TOGARAM1: variants seen among roughly 807,000 people sequenced by gnomAD.
TOGARAM1 encodes the protein TOG array regulator of axonemal microtubules 1, also known as TOG array regulator of axonemal microtubules protein 1.
A neutral mutation model predicts 166.6 loss-of-function variants in TOGARAM1; 100 were observed. The ratio of observed to expected loss-of-function variants is 0.60; its 90% CI spans 0.51 to 0.71. The LOEUF is 0.71. TOGARAM1 is among the 30% of genes least tolerant of loss of function. TOGARAM1 has a pLI of 0.00. For missense variants in TOGARAM1, 2,029 were observed against 2,102.7 expected (o/e 0.96, Z 0.69); for synonymous variants, 758 against 763.8 (o/e 0.99, Z 0.13).
chr14:44,969,149 T>C lies in TOGARAM1; in HGVS notation c.2046+4682T>C, dbSNP rs10136688. On this transcript the variant is annotated intron_variant, in intron 1 of 19. Transcript: ENST00000361462. ...TCCTTCCTTCCTTCCTTCCTTCCTT[T>C]CTTTCTTTCTTTTCTTTCTTTTCTT... is the stretch of plus-strand genomic sequence containing the variant. Among the ~76,000 whole-genome samples, 638 of 122,710 alleles carry C rather than the reference T, an allele frequency of 5.2e-3. 5 individuals carry two copies. Among genetic ancestry groups the C allele is most frequent in the African/African-American group, 0.021 (573 of 26,846 alleles). The allele number at this position is 122,710 out of a possible 152,430, so 80.5% of individuals were successfully genotyped here. A position where few individuals can be genotyped will look rare whatever the true frequency, so the allele number is the denominator to read the frequency against.
chr14:45,016,053 A>T (rs1449234070), intron 7 of TOGARAM1, among the ~76,000 whole-genome samples: 1 of 151,444 alleles, frequency 6.6e-6, no homozygotes, highest in Non-Finnish European at 1.5e-5. Flanking sequence ...ATTCTGGATT[A>T]AAAAAAATTT....
intron 1 of TOGARAM1, among the ~76,000 whole-genome samples, chr14:44,977,231 C>CTT (rs397707333): frequency 0.022 from 2,752 of 123,254 alleles, 202 homozygotes; most frequent in African/African-American, 0.076. Flanking sequence ...ATTAGACAGA[C>CTT]TTTTTTTTTT....
intron 7 of TOGARAM1, among the ~76,000 whole-genome samples, chr14:45,022,705 T>C (rs1349253419): frequency 6.6e-6 from 1 of 152,056 alleles, no homozygotes; most frequent in Non-Finnish European, 1.5e-5. Flanking sequence ...CTGGAGGGGA[T>C]TACCCCATAC....
At chr14:45,014,771 T>G (rs1880017407) in intron 7 of TOGARAM1, among the ~76,000 whole-genome samples, 1 of 152,182 alleles carries the variant, frequency 6.6e-6, no homozygotes, top group South Asian at 2.1e-4. Flanking sequence ...ATAGAAAACA[T>G]TTCCACCCAA....
chr14:44,963,492 AC>A lies in TOGARAM1; in HGVS notation c.1072del (p.Arg358AspfsTer18). The A allele has an allele frequency of 6.2e-7, 1 of 1,614,154 alleles. No individual in the cohort carries two copies. Among genetic ancestry groups the A allele is most frequent in the Non-Finnish European group, 8.5e-7 (1 of 1,180,028 alleles). ...FGIIPQELHS[R>X]LLDQEDYKNR... ...GGATTATTCCTCAGGAGCTGCATTCACGATTATTGGATCAGGAAGACTATAA... is the reference window on the plus strand; with the variant it reads ...GGATTATTCCTCAGGAGCTGCATTCAGATTATTGGATCAGGAAGACTATAA... On this transcript the variant is annotated frameshift_variant, in exon 1 of 20. Coordinates refer to ENST00000361462, the MANE Select transcript of TOGARAM1 (RefSeq NM_001308120.2). LOFTEE classifies it high-confidence loss of function.
chr14:44,974,629 G>A (rs920027980), intron 1 of TOGARAM1, among the ~76,000 whole-genome samples: 2 of 152,058 alleles, frequency 1.3e-5, no homozygotes, highest in Non-Finnish European at 2.9e-5. Flanking sequence ...GTAATATACT[G>A]TTAAGGTGTG....
intron 11 of TOGARAM1, among the ~76,000 whole-genome samples, chr14:45,035,680 T>C (rs1484762521): frequency 2.6e-5 from 4 of 152,018 alleles, no homozygotes; most frequent in African/African-American, 9.7e-5. Context: ...GGCAAGACAT[T>C]ACATATAGAA....
intron 4 of TOGARAM1, among the ~76,000 whole-genome samples, 165 bp downstream of exon 4, chr14:45,004,531 T>C (rs1887856317): frequency 1.3e-5 from 2 of 152,228 alleles, no homozygotes; most frequent in Admixed American, 6.5e-5. Context: ...AAATCAAATG[T>C]ATAAAATTCA....
chr14:45,005,954 C>G lies in TOGARAM1; in HGVS notation c.2645-54C>G, dbSNP rs17092482. ...ATTTTAAGCACTTGTGACTATAACT[C>G]CCTCTTCTCTAAAATTAGAAAAAGA... On this transcript the variant is annotated intron_variant, in intron 4 of 19. Coordinates refer to ENST00000361462, the MANE Select transcript of TOGARAM1 (RefSeq NM_001308120.2). 9.1e-3 allele frequency: 13,121 copies of G among 1,447,258 alleles called. 961 individuals carry two copies. The African/African-American group carries it at 0.16, about 18-fold the overall frequency. 89.7% of individuals were successfully genotyped at this position (1,447,258 alleles called of 1,614,324 possible).
In TOGARAM1 at chr14:45,035,769, A is replaced by C. The variant is rs1456102634; in HGVS notation, c.3812+3393A>C. Among the ~76,000 whole-genome samples, 4 of 152,058 alleles carry C rather than the reference A, an allele frequency of 2.6e-5. No individual in the cohort carries two copies. The East Asian group carries it at 5.8e-4, about 22-fold the overall frequency. ...GATCTTTAAAGTACTGAAAGGAAAA[A>C]CAAACTGTCAATCTAGAATTCTATA... On this transcript the variant is annotated intron_variant, in intron 11 of 19. Transcript: ENST00000361462.
intron 7 of TOGARAM1, 60 bp from the exon 8 acceptor site, chr14:45,025,723 G>T: frequency 1.1e-6 from 1 of 916,880 alleles, no homozygotes; most frequent in South Asian, 1.4e-5. Context: ...AATATCCTAA[G>T]ATACTACATA....
chr14:45,072,310 G>A (rs1883420858), intron 19 of TOGARAM1, among the ~76,000 whole-genome samples: 1 of 152,174 alleles, frequency 6.6e-6, no homozygotes, highest in Non-Finnish European at 1.5e-5. Context: ...GAATGGTCCA[G>A]TGCTGTCTCA....
At chr14:45,003,022 A>G (rs748917774) in intron 3 of TOGARAM1, among the ~76,000 whole-genome samples, 2 of 152,174 alleles carry the variant, frequency 1.3e-5, no homozygotes, top group Admixed American at 6.5e-5. Context: ...CTAGGAATAT[A>G]TGAGACATTG....
intron 1 of TOGARAM1, chr14:44,978,322 T>A (rs1886326391): frequency 6.6e-6 from 1 of 152,090 alleles, no homozygotes; most frequent in East Asian, 1.9e-4. Context: ...GAAAAAAAAA[T>A]GTTTAGCTGA....
Position 45,011,988 on chromosome 14 carries a change from C to A in TOGARAM1, c.3151C>A (p.Pro1051Thr). The A allele has an allele frequency of 6.2e-7, 1 of 1,604,684 alleles. No homozygotes were observed. The highest frequency in any genetic ancestry group is 8.5e-7 in the Non-Finnish European group (1 of 1,177,070). The change falls in exon 7 of 20, where the codon CCA (proline) becomes ACA (threonine). Residue 1051 changes from proline (P) to threonine (T), a missense_variant. By Grantham distance (38) the Pro-to-Thr change is conservative. This residue lies in a region of TOGARAM1 where 1,453 missense variants were observed against 1,432.2 expected (regional missense o/e 1.01). Transcript: ENST00000361462. ...QGKRIMSDIF[P>T]TFGSKPCPTR... ...GTTTCATTGCAGGTCAGACATATTT[C>A]CAACATTTGGGTCAAAACCTTGTCC...
At chr14:45,045,617 GTATATA>G (rs1208187623) in intron 13 of TOGARAM1, among the ~76,000 whole-genome samples, 3 of 33,242 alleles carry the variant, frequency 9.0e-5, no homozygotes, top group Non-Finnish European at 2.0e-4. Context: ...GTGTGTGTGT[GTATATA>G]TATGTATATA....
At chr14:44,999,186 A>G (rs1887574070) in intron 2 of TOGARAM1, among the ~76,000 whole-genome samples, 177 bp from the exon 3 acceptor site, 1 of 152,114 alleles carries the variant, frequency 6.6e-6, no homozygotes, top group African/African-American at 2.4e-5. Context: ...AATTCCTGCC[A>G]CTAATCTGAT....
At chr14:45,000,666 A>G in intron 3 of TOGARAM1, among the ~76,000 whole-genome samples, 1 of 152,162 alleles carries the variant, frequency 6.6e-6, no homozygotes, top group East Asian at 1.9e-4. Context: ...ATAAACATGG[A>G]AGTGCAATAC....
chr14:45,046,893 A>G (rs1882092878), intron 14 of TOGARAM1, among the ~76,000 whole-genome samples, 190 bp downstream of exon 14: 1 of 152,118 alleles, frequency 6.6e-6, no homozygotes, highest in African/African-American at 2.4e-5. Flanking sequence ...AATTCTCCAA[A>G]TTTACAGATG....
Sources: gnomAD v4.1 joint callset for allele counts (sites outside exome capture counted in the v4.1 genomes callset) on GRCh38, gnomAD v4.1.1 for gene constraint, gnomAD v4.1.1 regional missense constraint, MANE v1.5 for transcripts, NCBI Gene and HGNC (gene_info 2026-07-23, HGNC 2026-07-21) for gene names.